The following DNAI3 variants were observed in gnomAD, a reference collection of about 807,000 sequenced individuals.
The protein encoded by DNAI3 is dynein axonemal intermediate chain 3.
Under a neutral mutation model 115.5 loss-of-function variants are expected in DNAI3, and 83 were observed. The observed-to-expected ratio is 0.72, with a 90% CI of 0.60 to 0.86. The LOEUF is 0.86. DNAI3 is among the 40% of genes least tolerant of loss of function. The pLI is 0.00. For synonymous variants in DNAI3, 320 were observed against 347.0 expected, an observed-to-expected ratio of 0.92 and a Z score of 0.86; for missense variants, 1,004 against 1,075.8, an observed-to-expected ratio of 0.93 and a Z score of 0.93.
At chr1:85,112,179 G>A (rs1241757567) in intron 16 of DNAI3, among the ~76,000 whole-genome samples, 1 of 152,076 alleles carries the variant, frequency 6.6e-6, no homozygotes, top group Admixed American at 6.6e-5. Context: ...AGCCTCCTGA[G>A]TAGCCAGGAC....
intron 19 of DNAI3, among the ~76,000 whole-genome samples, chr1:85,125,207 C>G (rs1656096605): frequency 6.6e-6 from 1 of 151,962 alleles, no homozygotes; most frequent in African/African-American, 2.4e-5. Context: ...TTGAGATTAT[C>G]AAAGCCTGAA....
intron 3 of DNAI3, 83 bp from the exon 4 acceptor site, chr1:85,081,151 A>C: frequency 8.6e-7 from 1 of 1,168,920 alleles, no homozygotes; most frequent in East Asian, 2.9e-5. Flanking sequence ...GATAATTATT[A>C]AAACCAAGCG....
At chr1:85,072,702 T>C (rs552064101) in intron 2 of DNAI3, among the ~76,000 whole-genome samples, 18 of 149,066 alleles carry the variant, frequency 1.2e-4, no homozygotes, top group East Asian at 2.0e-4. Context: ...ACGCCTGTAA[T>C]CCCAGCACTT....
At chr1:85,120,876 G>A (rs181470214) in intron 17 of DNAI3, among the ~76,000 whole-genome samples, 1 of 152,304 alleles carries the variant, frequency 6.6e-6, no homozygotes, top group East Asian at 1.9e-4. Flanking sequence ...GGGTGAATGA[G>A]TGACCTTGTC....
At chr1:85,091,935 G>T (rs947075909) in intron 8 of DNAI3, among the ~76,000 whole-genome samples, 1 of 152,186 alleles carries the variant, frequency 6.6e-6, no homozygotes, top group Non-Finnish European at 1.5e-5. Flanking sequence ...CGGAAGCCAC[G>T]TCTTTAACTT....
At chr1:85,097,723 A>G in intron 12 of DNAI3, 68 bp downstream of exon 12, 6 of 1,371,272 alleles carry the variant, frequency 4.4e-6, no homozygotes, top group Non-Finnish European at 6.0e-6. Flanking sequence ...AGTACATAAT[A>G]TAGTTGCCAA....
intron 5 of DNAI3, among the ~76,000 whole-genome samples, chr1:85,083,781 C>A (rs7526413): frequency 0.5 from 76,586 of 151,896 alleles, 19,576 homozygotes; most frequent in Middle Eastern, 0.55. Flanking sequence ...CTCCCTAATT[C>A]CATTTTCTTT....
chr1:85,067,190 A>G (rs1187755315), intron 1 of DNAI3, among the ~76,000 whole-genome samples: 1 of 152,188 alleles, frequency 6.6e-6, no homozygotes, highest in Admixed American at 6.5e-5. Context: ...TGTAGATATT[A>G]TGCTTTTTAG....
At chr1:85,115,643 C>A (rs950788551) in intron 16 of DNAI3, among the ~76,000 whole-genome samples, 1 of 151,500 alleles carries the variant, frequency 6.6e-6, no homozygotes, top group Non-Finnish European at 1.5e-5. Context: ...TAGCCTTCCC[C>A]AACCTTTTTT....
intron 1 of DNAI3, 139 bp downstream of exon 1, chr1:85,062,625 C>T (rs372652043): frequency 6.6e-6 from 1 of 152,164 alleles, no homozygotes; most frequent in Non-Finnish European, 1.5e-5. Flanking sequence ...CAAGTCTTTC[C>T]CTGCTTTCAA....
chr1:85,072,364 C>A (rs1654299273), intron 2 of DNAI3, among the ~76,000 whole-genome samples: 1 of 152,200 alleles, frequency 6.6e-6, no homozygotes, highest in African/African-American at 2.4e-5. Context: ...AGTAAACTGG[C>A]TGGGCGCGGT....
At chr1:85,085,734 T>C in intron 6 of DNAI3, 97 bp from the exon 7 acceptor site, 1 of 977,540 alleles carries the variant, frequency 1.0e-6, no homozygotes, top group Non-Finnish European at 1.5e-6. Flanking sequence ...TCACAGAAAG[T>C]GCACAAAGGG....
chr1:85,069,989 G>A (rs34475817), intron 1 of DNAI3, among the ~76,000 whole-genome samples: 2,959 of 152,202 alleles, frequency 0.019, 60 homozygotes, highest in African/African-American at 0.055. Context: ...TTAGCTGGGC[G>A]CGGTGGCTCA....
intron 3 of DNAI3, among the ~76,000 whole-genome samples, chr1:85,074,238 A>G (rs1557706935): frequency 6.6e-6 from 1 of 152,168 alleles, no homozygotes; most frequent in African/African-American, 2.4e-5. Flanking sequence ...CCTATTTGAT[A>G]TCACTGCTTC....
intron 16 of DNAI3, among the ~76,000 whole-genome samples, chr1:85,114,068 C>A (rs888977707): frequency 4.2e-5 from 6 of 141,612 alleles, no homozygotes; most frequent in African/African-American, 1.6e-4. Flanking sequence ...GGCTAGAGTG[C>A]AGTGGTATGA....
intron 14 of DNAI3, 91 bp downstream of exon 14, chr1:85,104,688 T>C: frequency 2.0e-6 from 2 of 976,742 alleles, no homozygotes; most frequent in Non-Finnish European, 3.1e-6. Flanking sequence ...TTCTCCTTAA[T>C]ATTTATGGTA....
intron 8 of DNAI3, 40 bp downstream of exon 8, chr1:85,090,272 A>C: frequency 9.3e-6 from 11 of 1,188,966 alleles, no homozygotes; most frequent in Non-Finnish European, 1.3e-5. Flanking sequence ...TAAAACATAA[A>C]ATGTATATGT....
intron 17 of DNAI3, among the ~76,000 whole-genome samples, chr1:85,120,688 C>T (rs746419977): frequency 6.6e-5 from 10 of 152,114 alleles, no homozygotes; most frequent in South Asian, 6.2e-4. Flanking sequence ...AAGTGGTATC[C>T]GTGAGGGTGA....
At chr1:85,124,042 T>C (rs1005580412) in intron 18 of DNAI3, 79 bp from the exon 19 acceptor site, 10 of 1,577,194 alleles carry the variant, frequency 6.3e-6, no homozygotes, top group South Asian at 2.3e-5. Flanking sequence ...TGTCTGTCCA[T>C]TGGAGGTCTG....
Sources: allele counts gnomAD v4.1 joint callset (sites outside exome capture counted in the v4.1 genomes callset), GRCh38; gene constraint gnomAD v4.1.1; transcripts MANE v1.5; gene names NCBI Gene and HGNC (gene_info 2026-07-23, HGNC 2026-07-21).